RHCG: variants seen among roughly 807,000 people sequenced by gnomAD.
RHCG encodes the protein ammonium transporter Rh type C.
Under a neutral mutation model 55.3 loss-of-function variants are expected in RHCG, and 39 were observed. The observed-to-expected ratio is 0.70, with a 90% CI of 0.55 to 0.92. The LOEUF (loss-of-function observed/expected upper bound fraction) is 0.92. Ranked by LOEUF, RHCG falls within the 40% of genes least tolerant of loss-of-function variation. The probability of loss-of-function intolerance (pLI) is 0.00; values close to 1 mark genes in which losing one functional copy is unlikely to be tolerated. For synonymous variants in RHCG, 250 were observed against 246.8 expected (o/e 1.01, Z -0.12); for missense variants, 635 against 627.9 (o/e 1.01, Z -0.12).
chr15:89,477,186 A>G lies in RHCG; in HGVS notation c.1133T>C (p.Phe378Ser). The G allele has an allele frequency of 1.9e-6, 3 of 1,614,006 alleles. No individual in the cohort carries two copies. The South Asian group carries it at 3.3e-5, about 18-fold the overall frequency. ...GKEGLVHSFD[F>S]QGFNGDWTAR... ...GGTCCAGTCCCCGTTGAAACCTTGA[A>G]AGTCAAAGGAATGGACAAGCCTGGG... Residue 378 changes from phenylalanine to serine, a missense_variant, in exon 8 of 11, where the codon TTT becomes TCT. Transcript: ENST00000268122. This position sits in a 1 kb window ranked among gnomAD's most constrained non-coding sequence, Gnocchi z 4.5.
rs750429338 is a variant in RHCG at position 89,486,779 on chromosome 15, G to A, written c.371+20C>T. 6 of 1,570,410 alleles carry A rather than the reference G, an allele frequency of 3.8e-6. No homozygotes were observed. The highest frequency in any genetic ancestry group is 2.3e-5 in the East Asian group (1 of 44,136). On this transcript the variant is annotated intron_variant, in intron 2 of 10. Coordinates refer to ENST00000268122, the MANE Select transcript of RHCG (RefSeq NM_016321.3). ...ATCCCTCCCAGTCCGCCACGCCCCC[G>A]GGGCCCGCCCTGCGCTCACTTCTCC...
chr15:89,478,060 G>T, intron 5 of RHCG, 86 bp from the exon 6 acceptor site: 1 of 1,502,000 alleles, frequency 6.7e-7, no homozygotes, highest in Non-Finnish European at 8.9e-7. Context: ...GGCTGTGCAA[G>T]GGTGCAGCCT....
chr15:89,483,315 T>A, intron 2 of RHCG, 98 bp from the exon 3 acceptor site: 1 of 1,174,858 alleles, frequency 8.5e-7, no homozygotes, highest in Non-Finnish European at 1.2e-6. Flanking sequence ...GCTTGTGGCT[T>A]AACCTTTCTG....
chr15:89,476,625 A>G, intron 9 of RHCG, 130 bp downstream of exon 9: 1 of 717,534 alleles, frequency 1.4e-6, no homozygotes, highest in Non-Finnish European at 2.5e-6. Context: ...CCGATGAAGA[A>G]GTAGGGTAAT....
At chr15:89,474,984 G>GCCTGCCTTCCTT (rs1961114352) in intron 9 of RHCG, among the ~76,000 whole-genome samples, 1 of 75,122 alleles carries the variant, frequency 1.3e-5, no homozygotes. Flanking sequence ...ATTCATTCCT[G>GCCTGCCTTCCTT]CCTGCCTGCC....
At chr15:89,486,523 A>AGAATC in intron 2 of RHCG, 1 of 515,842 alleles carries the variant, frequency 1.9e-6, no homozygotes, top group South Asian at 1.5e-5. Flanking sequence ...CCCACCCTGG[A>AGAATC]GAATCGCTGA....
rs1961044227 is a variant in RHCG, at chr15:89,471,859, C to CCA, written c.*25-5_*25-4insTG. On this transcript the variant is annotated splice_polypyrimidine_tract_variant and splice_region_variant and intron_variant, in intron 10 of 10. Coordinates refer to ENST00000268122, the MANE Select transcript of RHCG (RefSeq NM_016321.3). Reference sequence around the variant, plus strand: ...GCCCCAGGACAGTCTGTGGAGCCTGCAGGGAGACAGCCAAGAGCAGCGGGT... The same window carrying CCA: ...GCCCCAGGACAGTCTGTGGAGCCTGCCAAGGGAGACAGCCAAGAGCAGCGGGT... 6.6e-6 allele frequency: 1 copy of CCA among 152,516 alleles called. No homozygotes were observed. The highest frequency in any genetic ancestry group is 1.5e-5 in the Non-Finnish European group (1 of 68,140). 9.4% of individuals were successfully genotyped at this position (152,516 alleles called of 1,614,324 possible). A position where few individuals can be genotyped will look rare whatever the true frequency, so the allele number is the denominator to read the frequency against.
At chr15:89,475,928 A>C (rs1201651773) in intron 9 of RHCG, among the ~76,000 whole-genome samples, 1 of 152,112 alleles carries the variant, frequency 6.6e-6, no homozygotes, top group African/African-American at 2.4e-5. Flanking sequence ...GTTAAACCAG[A>C]GTGCTGGGCC....
chr15:89,477,236 C>T lies in RHCG; in HGVS notation c.1113-30G>A, dbSNP rs1961168581. On this transcript the variant is annotated intron_variant, in intron 7 of 10. Transcript: ENST00000268122. The surrounding 1 kb of genome is among the most constrained non-coding windows in gnomAD (Gnocchi z 4.5). The stretch of plus-strand genomic sequence containing the variant: ...GGTGGAGACAGGGGGCAGGTCAGGG[C>T]CCCATGGAGAGGCCAAGTAACAGCT... 23 of 1,611,836 alleles carry T rather than the reference C, an allele frequency of 1.4e-5. No homozygotes were observed. Among genetic ancestry groups the T allele is most frequent in the Non-Finnish European group, 2.0e-5 (23 of 1,178,664 alleles).
intron 1 of RHCG, among the ~76,000 whole-genome samples, chr15:89,492,814 G>A (rs1384854826): frequency 6.6e-6 from 1 of 152,228 alleles, no homozygotes; most frequent in Admixed American, 6.5e-5. Context: ...CTAACAAGGT[G>A]CTGATACTTA....
At chr15:89,482,435 G>A (rs1179821743) in intron 3 of RHCG, among the ~76,000 whole-genome samples, 2 of 152,166 alleles carry the variant, frequency 1.3e-5, no homozygotes, top group East Asian at 3.9e-4. Context: ...CCAAGGAGGG[G>A]GAGTTCCAGA....
intron 1 of RHCG, among the ~76,000 whole-genome samples, chr15:89,489,122 G>A (rs957504240): frequency 6.6e-6 from 1 of 152,026 alleles, no homozygotes; most frequent in African/African-American, 2.4e-5. Context: ...TTCTTTTATT[G>A]TTGTTGTTGT....
At position 89,477,990 on chromosome 15, in the gene RHCG, A is replaced by C; in HGVS notation, c.838-16T>G. ...GGATGTGCACCTGGGCAGGGCAGGCAGAGCAGGCAGGAACTCAGTCCTCTC... is the reference window on the plus strand; with the variant it reads ...GGATGTGCACCTGGGCAGGGCAGGCCGAGCAGGCAGGAACTCAGTCCTCTC... On this transcript the variant is annotated splice_polypyrimidine_tract_variant and intron_variant, in intron 5 of 10. Coordinates refer to ENST00000268122, the MANE Select transcript of RHCG (RefSeq NM_016321.3). The surrounding 1 kb of genome is among the most constrained non-coding windows in gnomAD (Gnocchi z 4.5). The C allele has an allele frequency of 6.3e-7, 1 of 1,594,078 alleles. No individual in the cohort carries two copies. The highest frequency in any genetic ancestry group is 8.6e-7 in the Non-Finnish European group (1 of 1,167,456).
At position 89,486,825 on chromosome 15, in the gene RHCG, G is replaced by A. The variant is rs1184439928; in HGVS notation, c.345C>T (p.Asp115=). Residue 115 remains aspartate, a synonymous_variant, in exon 2 of 11, where the codon GAC becomes GAT. Coordinates refer to ENST00000268122, the MANE Select transcript of RHCG (RefSeq NM_016321.3). ...LMQGWFHFLQ[D]RYIVVGVENL... ...TCTCCACGCCCACGACGATGTAGCGGTCTTGTAAGAAGTGGAACCAGCCCT... is the reference window on the plus strand; with the variant it reads ...TCTCCACGCCCACGACGATGTAGCGATCTTGTAAGAAGTGGAACCAGCCCT... 1.9e-6 allele frequency: 3 copies of A among 1,600,794 alleles called. No individual in the cohort carries two copies. The highest frequency in any genetic ancestry group is 1.1e-5 in the South Asian group (1 of 90,420).
chr15:89,491,060 G>A (rs1272972009), intron 1 of RHCG, among the ~76,000 whole-genome samples: 1 of 152,164 alleles, frequency 6.6e-6, no homozygotes, highest in African/African-American at 2.4e-5. Flanking sequence ...GGTGTCAGTT[G>A]CCTGGTGGTA....
At chr15:89,486,427 C>T (rs1228506344) in intron 2 of RHCG, 49 of 458,910 alleles carry the variant, frequency 1.1e-4, no homozygotes, top group Non-Finnish European at 8.7e-6. Context: ...TCGGACCCTG[C>T]CCCCAGAGGA....
chr15:89,491,696 G>A (rs1567229265), intron 1 of RHCG, among the ~76,000 whole-genome samples: 1 of 152,110 alleles, frequency 6.6e-6, no homozygotes, highest in East Asian at 1.9e-4. Flanking sequence ...GAACCCGGGA[G>A]GCAGAGGTTG....
rs60077597 is a variant in RHCG at position 89,486,599 on chromosome 15, A to AGTGTGAGTGTGTGTGT, written c.371+199_371+200insACACACACACTCACAC. On this transcript the variant is annotated intron_variant, in intron 2 of 10. Transcript: ENST00000268122. ...GAGAGAGAGAGAGAGAGAGAGAGAG[A>AGTGTGAGTGTGTGTGT]GTGTGTGTGTGTGTGTGTGTGTGTG... 5.2e-3 allele frequency: 1,360 copies of AGTGTGAGTGTGTGTGT among 263,908 alleles called. 19 individuals are homozygous for AGTGTGAGTGTGTGTGT. The highest frequency in any genetic ancestry group is 0.011 in the African/African-American group (245 of 22,010). 16.3% of individuals were successfully genotyped at this position (263,908 alleles called of 1,614,324 possible). A position where few individuals can be genotyped will look rare whatever the true frequency, so the allele number is the denominator to read the frequency against.
chr15:89,477,519 T>C lies in RHCG; in HGVS notation c.1110A>G (p.Glu370=). The C allele has an allele frequency of 6.2e-7, 1 of 1,614,070 alleles. No individual in the cohort carries two copies. ...ASASLEVYGK[E]GLVHSFDFQG... ...CACCGCACCTCCTCCACATTTACCCTTCTTTTCCATAGACTTCAAGGCTGG... is the reference window on the plus strand; with the variant it reads ...CACCGCACCTCCTCCACATTTACCCCTCTTTTCCATAGACTTCAAGGCTGG... Residue 370 remains glutamate, a splice_region_variant and synonymous_variant, in exon 7 of 11, where the codon GAA becomes GAG. Transcript: ENST00000268122. The surrounding 1 kb of genome is among the most constrained non-coding windows in gnomAD (Gnocchi z 4.5).
Sources: gnomAD v4.1 joint callset for allele counts (sites outside exome capture counted in the v4.1 genomes callset) on GRCh38, gnomAD v4.1.1 for gene constraint, Gnocchi (gnomAD v3.1) non-coding constraint, MANE v1.5 for transcripts, NCBI Gene and HGNC (gene_info 2026-07-23, HGNC 2026-07-21) for gene names.